ASXL1: variants seen among roughly 807,000 people sequenced by gnomAD.
ASXL1 encodes the protein polycomb group protein ASXL1.
Under a neutral mutation model 89.1 loss-of-function variants are expected in ASXL1, and 65 were observed. That is an observed-to-expected ratio of 0.73 (90% CI 0.60 to 0.90). The LOEUF is 0.90. Ranked by LOEUF, ASXL1 falls within the 40% of genes least tolerant of loss-of-function variation. The pLI is 0.00. For synonymous variants in ASXL1, 739 were observed against 746.9 expected (o/e 0.99, Z 0.17); for missense variants, 1,786 against 1,942.9 (o/e 0.92, Z 1.52).
In ASXL1 at chr20:32,434,775, C is replaced by A; in HGVS notation, c.2063C>A (p.Thr688Lys). The A allele has an allele frequency of 6.2e-7, 1 of 1,613,816 alleles. No homozygotes were observed. The highest frequency in any genetic ancestry group is 1.1e-5 in the South Asian group (1 of 91,084). The change falls in exon 13 of 13, where the codon ACG becomes AAG. Residue 688 changes from threonine (T) to lysine (K), a missense_variant. Coordinates refer to ENST00000375687, the MANE Select transcript of ASXL1 (RefSeq NM_015338.6). ...GGCCCGAGCACCCCTGGAAAGTGTA[C>A]GTCAGATCTACAGCGAACACAACTA... is the stretch of plus-strand genomic sequence containing the variant. Reference protein sequence around the residue: ...RGGPSTPGKCTSDLQRTQLLP... With the variant: ...RGGPSTPGKCKSDLQRTQLLP...
chr20:32,376,767 T>G (rs2048384948), intron 4 of ASXL1, among the ~76,000 whole-genome samples: 1 of 148,132 alleles, frequency 6.8e-6, no homozygotes, highest in Non-Finnish European at 1.5e-5. Context: ...AGGGTCAGAA[T>G]TTTGTATATT....
At chr20:32,365,027 T>C (rs902561535) in intron 1 of ASXL1, among the ~76,000 whole-genome samples, 2 of 152,172 alleles carry the variant, frequency 1.3e-5, no homozygotes, top group African/African-American at 4.8e-5. Flanking sequence ...TAGGTGATTA[T>C]ACAGGCTGTC....
Position 32,435,408 on chromosome 20 carries a change from T to C in ASXL1, c.2696T>C (p.Ile899Thr), listed in dbSNP as rs766215027. Residue 899 changes from isoleucine to threonine, a missense_variant, in exon 13 of 13, where the codon ATA (isoleucine) becomes ACA (threonine). Physicochemically the swap from Ile to Thr is moderately conservative, Grantham distance 89 (BLOSUM62 -1). Around this residue, in one of 3 missense-constraint regions of ASXL1, gnomAD observed 1,418 missense variants for 1,427.8 expected, o/e 0.99. Transcript: ENST00000375687. ...GTTTCTAACAGTTCTTTGCATTGGA[T>C]ACCCATCCCATCGAATGATGAGGTA... ...ALVSNSSLHW[I>T]PIPSNDEVVK... is the part of the protein sequence containing the mutation. 1.2e-6 allele frequency: 2 copies of C among 1,614,164 alleles called. No homozygotes were observed. The highest frequency in any genetic ancestry group is 3.3e-5 in the Admixed American group (2 of 60,030).
chr20:32,415,904 A>C (rs906734228), intron 4 of ASXL1, among the ~76,000 whole-genome samples: 7 of 152,186 alleles, frequency 4.6e-5, no homozygotes, highest in Admixed American at 4.6e-4. Context: ...ATACCATTAA[A>C]CAAAAGAAAA....
At chr20:32,404,197 C>A (rs567363795) in intron 4 of ASXL1, among the ~76,000 whole-genome samples, 89 of 152,036 alleles carry the variant, frequency 5.9e-4, no homozygotes, top group Admixed American at 9.8e-4. Flanking sequence ...TGGTAACGAT[C>A]ATTTTACTCT....
Position 32,433,853 on chromosome 20 carries a change from T to C in ASXL1, c.1655T>C (p.Ile552Thr), listed in dbSNP as rs1180135415. 11 of 1,613,854 alleles carry C rather than the reference T, an allele frequency of 6.8e-6. No individual in the cohort carries two copies. Among genetic ancestry groups the C allele is most frequent in the African/African-American group, 2.7e-5 (2 of 74,916 alleles). ...GATCGTCAGTCCTTTCGTAACACAA[T>C]TGAAAGTGTTCACACCGAAAAGCCA... ...LEDRQSFRNT[I>T]ESVHTEKPQP... is the part of the protein sequence containing the mutation. Residue 552 changes from isoleucine to threonine, a missense_variant, in exon 12 of 13, where the codon ATT (isoleucine) becomes ACT (threonine). Physicochemically the swap from Ile to Thr is moderately conservative, Grantham distance 89 (BLOSUM62 -1). Around this residue, in one of 3 missense-constraint regions of ASXL1, gnomAD observed 1,418 missense variants for 1,427.8 expected, o/e 0.99. Transcript: ENST00000375687.
intron 4 of ASXL1, among the ~76,000 whole-genome samples, chr20:32,417,616 A>C (rs2049160198): frequency 6.6e-6 from 1 of 152,218 alleles, no homozygotes; most frequent in Middle Eastern, 3.2e-3. Flanking sequence ...TTTTCATGAG[A>C]AAATTAAAAC....
At chr20:32,368,937 G>C in intron 3 of ASXL1, 78 bp from the exon 4 acceptor site, 1 of 1,172,324 alleles carries the variant, frequency 8.5e-7, no homozygotes, top group South Asian at 1.4e-5. Context: ...TCTCATTTAA[G>C]AATGAGTTGG....
chr20:32,421,866 C>CT (rs71299232), intron 4 of ASXL1, among the ~76,000 whole-genome samples: 34,080 of 105,200 alleles, frequency 0.32, 6,944 homozygotes, highest in East Asian at 0.71. Flanking sequence ...GGTTTCTTTT[C>CT]TTTTTTTTTT....
At chr20:32,419,964 G>A (rs2049211255) in intron 4 of ASXL1, among the ~76,000 whole-genome samples, 1 of 151,844 alleles carries the variant, frequency 6.6e-6, no homozygotes, top group African/African-American at 2.4e-5. Flanking sequence ...ACAGGCATGA[G>A]CCCCCACACC....
chr20:32,432,832 C>T (rs904149277), intron 10 of ASXL1, 48 bp from the exon 11 acceptor site: 2 of 1,604,738 alleles, frequency 1.2e-6, no homozygotes, highest in South Asian at 1.1e-5. Flanking sequence ...ATAAGACAGA[C>T]ATTAATATCC....
intron 4 of ASXL1, chr20:32,372,257 C>G: frequency 7.7e-7 from 1 of 1,292,916 alleles, no homozygotes; most frequent in Non-Finnish European, 1.0e-6. Flanking sequence ...TGGGAGTGGT[C>G]TGTTAGTCTA....
Position 32,358,722 on chromosome 20 carries a change from G to GC in ASXL1, c.-51dup. On this transcript the variant is annotated 5_prime_UTR_variant, in exon 1 of 13. Transcript: ENST00000375687. Reference sequence around the variant, plus strand: ...GCCCCAGCCCCGCGCCACCGCCCCAGCCCGCCCAGCCCGGAGGTCCCGCGT... The same window carrying GC: ...GCCCCAGCCCCGCGCCACCGCCCCAGCCCCGCCCAGCCCGGAGGTCCCGCGT... 3.0e-6 allele frequency: 2 copies of GC among 669,894 alleles called. No homozygotes were observed. The highest frequency in any genetic ancestry group is 2.3e-6 in the Non-Finnish European group (1 of 437,440). The allele number at this position is 669,894 out of a possible 1,614,324, so 41.5% of individuals were successfully genotyped here. A position where few individuals can be genotyped will look rare whatever the true frequency, so the allele number is the denominator to read the frequency against.
rs2048046300 is a variant in ASXL1 at position 32,358,339 on chromosome 20, TCACA to T, written c.-431_-428del. On this transcript the variant is annotated 5_prime_UTR_variant, in exon 1 of 13. Transcript: ENST00000375687. Reference sequence around the variant, plus strand: ...CCCCCTCCTCACTCTTCACACACACTCACACACACCCACGGCAGACACGCACGCA... The same window carrying T: ...CCCCCTCCTCACTCTTCACACACACTCACACCCACGGCAGACACGCACGCA... 1 of 227,032 alleles carries T rather than the reference TCACA, an allele frequency of 4.4e-6. No homozygotes were observed. The highest frequency in any genetic ancestry group is 8.6e-6 in the Non-Finnish European group (1 of 116,928). 14.1% of individuals were successfully genotyped at this position (227,032 alleles called of 1,614,324 possible).
intron 4 of ASXL1, among the ~76,000 whole-genome samples, chr20:32,369,568 A>C (rs1399030142): frequency 6.6e-6 from 1 of 151,530 alleles, no homozygotes; most frequent in East Asian, 2.0e-4. Context: ...TGTTGGTTCT[A>C]AATGGCACTT....
At chr20:32,431,261 G>A (rs2011503885) in intron 8 of ASXL1, 60 bp from the exon 9 acceptor site, 5 of 1,610,292 alleles carry the variant, frequency 3.1e-6, no homozygotes, top group East Asian at 2.2e-5. Flanking sequence ...TTTCCCATCA[G>A]TTGGCATTTG....
chr20:32,413,852 C>T (rs1319584703), intron 4 of ASXL1, among the ~76,000 whole-genome samples: 8 of 152,118 alleles, frequency 5.3e-5, no homozygotes, highest in African/African-American at 1.2e-4. Context: ...TAGTTGTGTG[C>T]GCATTCTCTA....
chr20:32,387,752 T>G (rs1477324223), intron 4 of ASXL1, among the ~76,000 whole-genome samples: 2 of 152,214 alleles, frequency 1.3e-5, no homozygotes, highest in African/African-American at 2.4e-5. Context: ...CTGTCATTGA[T>G]GACTTCCAAG....
chr20:32,369,307 G>A (rs1181574407), intron 4 of ASXL1, among the ~76,000 whole-genome samples, 184 bp downstream of exon 4: 1 of 151,322 alleles, frequency 6.6e-6, no homozygotes, highest in Non-Finnish European at 1.5e-5. Context: ...AGTGCAATGG[G>A]GCGAGATCTC....
Sources: allele counts gnomAD v4.1 joint callset (sites outside exome capture counted in the v4.1 genomes callset), GRCh38; gene constraint gnomAD v4.1.1; regional missense constraint gnomAD v4.1.1; transcripts MANE v1.5; gene names NCBI Gene and HGNC (gene_info 2026-07-23, HGNC 2026-07-21).